The following LAMC3 variants were observed in gnomAD, a reference collection of about 807,000 sequenced individuals.
LAMC3 encodes laminin subunit gamma 3.
Under a neutral mutation model 173.8 loss-of-function variants are expected in LAMC3, and 128 were observed. That is an observed-to-expected ratio of 0.74 (90% CI 0.64 to 0.85). LAMC3 has a LOEUF of 0.85. LAMC3 is among the 40% of genes least tolerant of loss of function. LAMC3 has a pLI of 0.00. For synonymous variants in LAMC3, 897 were observed against 909.1 expected (o/e 0.99, Z 0.24); for missense variants, 2,022 against 2,156.0 (o/e 0.94, Z 1.23).
At position 131,038,764 on chromosome 9, in the gene LAMC3, C is replaced by T. The variant is rs575916568; in HGVS notation, c.977-100C>T. 6 of 1,225,062 alleles carry T rather than the reference C, an allele frequency of 4.9e-6. No individual in the cohort carries two copies. In the South Asian group the frequency reaches 6.0e-5, roughly 12 times the overall value. The allele number at this position is 1,225,062 out of a possible 1,614,324, so 75.9% of individuals were successfully genotyped here. ...GACCATGCTCTTGCCCTTCTCTTTG[C>T]ACTGCCTGCTCATTTAGCACAGGGA... On this transcript the variant is annotated intron_variant, in intron 4 of 27. Coordinates refer to ENST00000361069, the MANE Select transcript of LAMC3 (RefSeq NM_006059.4).
At chr9:131,077,395 G>A (rs994083868) in intron 22 of LAMC3, 61 bp downstream of exon 22, 3 of 1,597,170 alleles carry the variant, frequency 1.9e-6, no homozygotes, top group African/African-American at 2.7e-5. Context: ...AGAAGCTGGA[G>A]GCTGGGCACG....
At chr9:131,059,173 G>A (rs1027619165) in intron 12 of LAMC3, among the ~76,000 whole-genome samples, 1 of 150,862 alleles carries the variant, frequency 6.6e-6, no homozygotes, top group Non-Finnish European at 1.5e-5. Context: ...TCTGGCCTGG[G>A]CGACAGAGTA....
At position 131,082,155 on chromosome 9, in the gene LAMC3, C is replaced by A; in HGVS notation, c.4024C>A (p.Leu1342Met). The A allele has an allele frequency of 6.2e-7, 1 of 1,611,612 alleles. No individual in the cohort carries two copies. The highest frequency in any genetic ancestry group is 8.5e-7 in the Non-Finnish European group (1 of 1,178,234). Residue 1342 changes from leucine to methionine, a missense_variant, in exon 24 of 28, where the codon CTG becomes ATG. Leu to Met is a conservative substitution (Grantham distance 15). Coordinates refer to ENST00000361069, the MANE Select transcript of LAMC3 (RefSeq NM_006059.4). ...VMGARTLLAD[L>M]EGMKLQFPRP... ...GGGAGCCAGGACTCTGCTGGCTGAT[C>A]TGGAAGGTACGTGAGTCCAGCTGAC... is the stretch of plus-strand genomic sequence containing the variant.
chr9:131,029,944 T>G lies in LAMC3; in HGVS notation c.679-2101T>G, dbSNP rs1392838187. 2.6e-5 allele frequency among the ~76,000 whole-genome samples: 2 copies of G among 76,242 alleles called. No individual in the cohort carries two copies. Among genetic ancestry groups the G allele is most frequent in the South Asian group, 8.9e-4 (2 of 2,258 alleles). 50.0% of individuals were successfully genotyped at this position (76,242 alleles called of 152,430 possible). A position where few individuals can be genotyped will look rare whatever the true frequency, so the allele number is the denominator to read the frequency against. Reference sequence around the variant, plus strand: ...TCAGTGGGGATTGCCCTAAAATGACTTTTTTTTTTTTTTTTTGAGACAGTT... The same window carrying G: ...TCAGTGGGGATTGCCCTAAAATGACGTTTTTTTTTTTTTTTTGAGACAGTT... On this transcript the variant is annotated intron_variant, in intron 2 of 27. Transcript: ENST00000361069. The surrounding 1 kb of genome is among the most constrained non-coding windows in gnomAD (Gnocchi z 4.6).
At position 131,091,910 on chromosome 9, in the gene LAMC3, C is replaced by T; in HGVS notation, c.*123C>T. 9.0e-7 allele frequency: 1 copy of T among 1,115,264 alleles called. No homozygotes were observed. Among genetic ancestry groups the T allele is most frequent in the African/African-American group, 1.7e-5 (1 of 60,330 alleles). 69.1% of individuals were successfully genotyped at this position (1,115,264 alleles called of 1,614,324 possible). A position where few individuals can be genotyped will look rare whatever the true frequency, so the allele number is the denominator to read the frequency against. ...CGGAGCCGGCTGCTGTGAACTCGCC[C>T]CCGTGTGGATAGTCACTCCCTGCCG... On this transcript the variant is annotated 3_prime_UTR_variant, in exon 28 of 28. Coordinates refer to ENST00000361069, the MANE Select transcript of LAMC3 (RefSeq NM_006059.4).
In LAMC3 at chr9:131,077,318, C is replaced by T. The variant is rs1329136085; in HGVS notation, c.3761C>T (p.Ala1254Val). Residue 1254 changes from alanine (A) to valine (V), a missense_variant, in exon 22 of 28, where the codon GCT (alanine) becomes GTT (valine). Ala to Val is a moderately conservative substitution (Grantham distance 64). Transcript: ENST00000361069. ...ACAGCCCCGTACCTGGCCTTGCTGG[C>T]TTCCCCGGGAGCTCTGGTCAGCTCA... ...ADTAPYLALL[A>V]SPGALPQKSR... The T allele has an allele frequency of 1.2e-6, 2 of 1,613,944 alleles. No homozygotes were observed. Among genetic ancestry groups the T allele is most frequent in the Non-Finnish European group, 1.7e-6 (2 of 1,180,032 alleles).
At chr9:131,077,020 C>G (rs1245839242) in intron 21 of LAMC3, among the ~76,000 whole-genome samples, 167 bp from the exon 22 acceptor site, 1 of 152,216 alleles carries the variant, frequency 6.6e-6, no homozygotes, top group Non-Finnish European at 1.5e-5. Flanking sequence ...CTGAAAGCTT[C>G]AGAGAAGCAG....
chr9:131,061,208 C>G lies in LAMC3; in HGVS notation c.2332C>G (p.Pro778Ala). Residue 778 changes from proline to alanine, a missense_variant, in exon 13 of 28, where the codon CCC (proline) becomes GCC (alanine). Physicochemically the swap from Pro to Ala is conservative, Grantham distance 27. Coordinates refer to ENST00000361069, the MANE Select transcript of LAMC3 (RefSeq NM_006059.4). The part of the protein sequence containing the change: ...ESREVVCTHC[P>A]PGQRGRRCEV... Reference sequence around the variant, plus strand: ...CCGGGAGGTGGTGTGTACCCACTGCCCCCCGGGCCAGAGAGGTAAGTGACT... The same window carrying G: ...CCGGGAGGTGGTGTGTACCCACTGCGCCCCGGGCCAGAGAGGTAAGTGACT... 1 of 1,607,954 alleles carries G rather than the reference C, an allele frequency of 6.2e-7. No homozygotes were observed. Among genetic ancestry groups the G allele is most frequent in the Non-Finnish European group, 8.5e-7 (1 of 1,179,608 alleles).
rs761037173 is a variant in LAMC3 at position 131,068,227 on chromosome 9, C to T, written c.2743C>T (p.Arg915Trp). 33 of 1,609,140 alleles carry T rather than the reference C, an allele frequency of 2.1e-5. No individual in the cohort carries two copies. The highest frequency in any genetic ancestry group is 1.8e-4 in the East Asian group (8 of 44,754). Reference sequence around the variant, plus strand: ...CGACCTCCAGCCTGGGAGGGGCTGCCGGAGGTAGGTAGGGTGAGACTGCCG... The same window carrying T: ...CGACCTCCAGCCTGGGAGGGGCTGCTGGAGGTAGGTAGGGTGAGACTGCCG... ...FFDLQPGRGC[R>W]SCKCHPLGSQ... Residue 915 changes from arginine (R) to tryptophan (W), a missense_variant, in exon 15 of 28, where the codon CGG becomes TGG. Physicochemically the swap from Arg to Trp is moderately radical, Grantham distance 101. Coordinates refer to ENST00000361069, the MANE Select transcript of LAMC3 (RefSeq NM_006059.4).
chr9:131,080,344 C>T (rs539895088), intron 23 of LAMC3: 498 of 127,860 alleles, frequency 3.9e-3, no homozygotes, highest in Middle Eastern at 6.4e-3. Flanking sequence ...GGCTGGAGTG[C>T]GTGGCGCGAT....
At chr9:131,017,195 G>C (rs889572247) in intron 1 of LAMC3, among the ~76,000 whole-genome samples, 2 of 152,152 alleles carry the variant, frequency 1.3e-5, no homozygotes, top group African/African-American at 4.8e-5. Flanking sequence ...GGTCACCGGC[G>C]CAGACTCCTT....
intron 12 of LAMC3, among the ~76,000 whole-genome samples, chr9:131,058,551 G>C (rs1829738157): frequency 1.3e-5 from 2 of 152,110 alleles, no homozygotes; most frequent in African/African-American, 4.8e-5. Flanking sequence ...TGCCTCCCCA[G>C]AGCAGGTGGG....
chr9:131,046,553 G>C (rs1351810686), intron 8 of LAMC3, among the ~76,000 whole-genome samples: 2 of 70,382 alleles, frequency 2.8e-5, no homozygotes, highest in African/African-American at 9.6e-5. Context: ...TTGTACAGAC[G>C]GGGTCTTACC....
rs1462771436 is a variant in LAMC3 at position 131,077,340 on chromosome 9, C to T, written c.3777+6C>T. On this transcript the variant is annotated splice_donor_region_variant and intron_variant, in intron 22 of 27. Coordinates refer to ENST00000361069, the MANE Select transcript of LAMC3 (RefSeq NM_006059.4). ...TGGCTTCCCCGGGAGCTCTGGTCAG[C>T]TCAGTTGTCTCAGAGCTCCGTGTGG... 2.5e-6 allele frequency: 4 copies of T among 1,613,476 alleles called. No individual in the cohort carries two copies. Among genetic ancestry groups the T allele is most frequent in the South Asian group, 1.1e-5 (1 of 91,084 alleles).
At chr9:131,088,548 A>G (rs1322860202) in intron 27 of LAMC3, among the ~76,000 whole-genome samples, 2 of 152,184 alleles carry the variant, frequency 1.3e-5, no homozygotes, top group African/African-American at 4.8e-5. Context: ...TTGGGCTGAA[A>G]AGAACAGCAT....
At chr9:131,081,723 C>T (rs896436545) in intron 23 of LAMC3, among the ~76,000 whole-genome samples, 4 of 152,184 alleles carry the variant, frequency 2.6e-5, no homozygotes, top group African/African-American at 9.7e-5. Flanking sequence ...GATCTGCCCA[C>T]CTCGGCCTTC....
intron 11 of LAMC3, among the ~76,000 whole-genome samples, 176 bp downstream of exon 11, chr9:131,053,141 G>T (rs983794149): frequency 1.7e-4 from 26 of 152,224 alleles, no homozygotes. Flanking sequence ...CATATAACCT[G>T]TGAAGGCAAT....
At chr9:131,021,601 G>T (rs867092268) in intron 1 of LAMC3, among the ~76,000 whole-genome samples, 2 of 152,144 alleles carry the variant, frequency 1.3e-5, no homozygotes, top group Non-Finnish European at 2.9e-5. Flanking sequence ...CCAACAAGCA[G>T]CGGTACCAGC....
chr9:131,017,551 C>A (rs1833546072), intron 1 of LAMC3, among the ~76,000 whole-genome samples: 2 of 144,810 alleles, frequency 1.4e-5, no homozygotes, highest in Non-Finnish European at 3.0e-5. Flanking sequence ...ATGGTGAAAC[C>A]CTTTCTCTAT....
Sources: gnomAD v4.1 joint callset for allele counts (sites outside exome capture counted in the v4.1 genomes callset) on GRCh38, gnomAD v4.1.1 for gene constraint, Gnocchi (gnomAD v3.1) non-coding constraint, MANE v1.5 for transcripts, NCBI Gene and HGNC (gene_info 2026-07-23, HGNC 2026-07-21) for gene names.